The following CAMK2B variants were observed in gnomAD, a reference collection of about 807,000 sequenced individuals.
CAMK2B encodes calcium/calmodulin-dependent protein kinase type II subunit beta.
CAMK2B carries 27 observed loss-of-function variants against 93.7 expected under a neutral mutation model. The ratio of observed to expected loss-of-function variants is 0.29; its 90% CI spans 0.21 to 0.40. The LOEUF (loss-of-function observed/expected upper bound fraction) is 0.40. Ranked by LOEUF, CAMK2B falls within the 10% of genes least tolerant of loss-of-function variation. CAMK2B has a pLI of 1.00. For synonymous variants in CAMK2B, 374 were observed against 358.8 expected (o/e 1.04, Z -0.48); for missense variants, 568 against 895.8 (o/e 0.63, Z 4.67).
At chr7:44,256,123 G>A (rs755584718) in intron 4 of CAMK2B, among the ~76,000 whole-genome samples, 8 of 152,184 alleles carry the variant, frequency 5.3e-5, no homozygotes, top group Non-Finnish European at 7.3e-5. Context: ...TCCTCTGCCT[G>A]CCTCTCCTCT....
intron 15 of CAMK2B, among the ~76,000 whole-genome samples, chr7:44,233,886 C>T (rs117961007): frequency 0.031 from 4,704 of 152,314 alleles, 101 homozygotes; most frequent in South Asian, 0.054. Flanking sequence ...TACTGCACCA[C>T]CGTGGCCCCG....
chr7:44,228,155 G>C (rs555015261), intron 19 of CAMK2B, among the ~76,000 whole-genome samples: 1 of 151,952 alleles, frequency 6.6e-6, no homozygotes, highest in African/African-American at 2.4e-5. Context: ...AACGCTGGAC[G>C]GGGTTACAGG....
intron 13 of CAMK2B, among the ~76,000 whole-genome samples, chr7:44,234,961 C>T (rs1166737618): frequency 6.6e-6 from 1 of 152,230 alleles, no homozygotes; most frequent in Non-Finnish European, 1.5e-5. Context: ...TGGGGAGCCC[C>T]CTTGGCTTCT....
chr7:44,282,876 T>A (rs921725832), intron 2 of CAMK2B, among the ~76,000 whole-genome samples: 1 of 152,164 alleles, frequency 6.6e-6, no homozygotes, highest in African/African-American at 2.4e-5. Context: ...GGTCAGGGCC[T>A]CTCCAGCTCC....
At chr7:44,249,802 C>A (rs1232210038) in intron 5 of CAMK2B, among the ~76,000 whole-genome samples, 1 of 152,154 alleles carries the variant, frequency 6.6e-6, no homozygotes, top group East Asian at 1.9e-4. Context: ...GTCCTGGCCG[C>A]AGCTCTGGCC....
chr7:44,258,269 G>A (rs953952523), intron 4 of CAMK2B, among the ~76,000 whole-genome samples: 2 of 149,630 alleles, frequency 1.3e-5, no homozygotes, highest in Admixed American at 6.6e-5. Flanking sequence ...ATGCAAACGT[G>A]CATGCATACA....
chr7:44,266,443 G>T (rs891752402), intron 2 of CAMK2B, among the ~76,000 whole-genome samples: 30 of 152,246 alleles, frequency 2.0e-4, no homozygotes, highest in Non-Finnish European at 3.5e-4. Flanking sequence ...CAGTGCATAA[G>T]AAATGTGCCC....
At chr7:44,293,494 C>T (rs1787421362) in intron 1 of CAMK2B, among the ~76,000 whole-genome samples, 1 of 152,170 alleles carries the variant, frequency 6.6e-6, no homozygotes, top group Non-Finnish European at 1.5e-5. Context: ...GTTGACAATC[C>T]TGTATAGCAG....
chr7:44,264,763 C>T (rs1008167210), intron 2 of CAMK2B, among the ~76,000 whole-genome samples: 8 of 152,248 alleles, frequency 5.3e-5, no homozygotes, highest in Non-Finnish European at 7.3e-5. Context: ...TGCCAGGAGC[C>T]TCAGGGATTT....
At chr7:44,303,733 G>GA (rs1293142662) in intron 1 of CAMK2B, among the ~76,000 whole-genome samples, 1 of 152,126 alleles carries the variant, frequency 6.6e-6, no homozygotes, top group African/African-American at 2.4e-5. Context: ...ATTCATGAAA[G>GA]AAAAAATTGA....
chr7:44,246,104 C>G (rs1489979018), intron 6 of CAMK2B, among the ~76,000 whole-genome samples: 1 of 152,126 alleles, frequency 6.6e-6, no homozygotes, highest in African/African-American at 2.4e-5. Context: ...CAGACCTGAG[C>G]TGGGGGCAGC....
rs751129185 is a variant in CAMK2B, at chr7:44,220,227, C to T, written c.1836G>A (p.Glu612=). 1 of 1,613,436 alleles carries T rather than the reference C, an allele frequency of 6.2e-7. No homozygotes were observed. The highest frequency in any genetic ancestry group is 2.2e-5 in the East Asian group (1 of 44,888). Residue 612 remains glutamate (E), a synonymous_variant, in exon 23 of 24, where the codon GAG becomes GAA. Coordinates refer to ENST00000395749, the MANE Select transcript of CAMK2B (RefSeq NM_001220.5). ...ILNPHVHVIG[E]DAACIAYIRL... is the part of the protein sequence containing the mutation. ...GGATGTAAGCGATGCAGGCGGCATC[C>T]TCTCCAATGACGTGCACGTGTGGGT...
Position 44,243,683 on chromosome 7 carries a change from T to C in CAMK2B, c.415-156A>G, listed in dbSNP as rs200859981. Among the ~76,000 whole-genome samples the C allele has an allele frequency of 1.2e-4, 18 of 152,214 alleles. No individual in the cohort carries two copies. The East Asian group carries it at 2.5e-3, about 21-fold the overall frequency. On this transcript the variant is annotated intron_variant, in intron 6 of 23. Coordinates refer to ENST00000395749, the MANE Select transcript of CAMK2B (RefSeq NM_001220.5). ...CCCCATGGTGTCTGCAGGGCATGGC[T>C]GAGCCTTCACCCCAGAGTCCCAGAC...
At chr7:44,278,559 C>T (rs759447950) in intron 2 of CAMK2B, among the ~76,000 whole-genome samples, 4 of 152,148 alleles carry the variant, frequency 2.6e-5, no homozygotes, top group African/African-American at 7.2e-5. Context: ...CTCAGGTCCC[C>T]GCATGGGGGA....
At chr7:44,267,623 A>G (rs2096931916) in intron 2 of CAMK2B, among the ~76,000 whole-genome samples, 2 of 152,166 alleles carry the variant, frequency 1.3e-5, no homozygotes, top group South Asian at 4.1e-4. Flanking sequence ...ACGTGTGTAC[A>G]CATTTACACA....
At chr7:44,244,146 G>A (rs2096708383) in intron 6 of CAMK2B, among the ~76,000 whole-genome samples, 1 of 152,206 alleles carries the variant, frequency 6.6e-6, no homozygotes, top group Admixed American at 6.5e-5. Flanking sequence ...CCTGGCTCTG[G>A]TCATCCCCAC....
At chr7:44,290,351 C>T (rs946173965) in intron 1 of CAMK2B, among the ~76,000 whole-genome samples, 2 of 152,254 alleles carry the variant, frequency 1.3e-5, no homozygotes, top group African/African-American at 4.8e-5. Flanking sequence ...AAGCACAGCC[C>T]CCTCCCCGCT....
chr7:44,238,285 C>T (rs2096644655), intron 13 of CAMK2B, among the ~76,000 whole-genome samples: 1 of 152,230 alleles, frequency 6.6e-6, no homozygotes, highest in Non-Finnish European at 1.5e-5. Flanking sequence ...CATGCAGGGC[C>T]TCATGCACCG....
chr7:44,228,971 G>A (rs747503458), intron 18 of CAMK2B, 47 bp from the exon 19 acceptor site: 79 of 1,600,660 alleles, frequency 4.9e-5, no homozygotes, highest in South Asian at 3.4e-4. Flanking sequence ...ACAGACACAC[G>A]AGGCGGCGGC....
Sources: gnomAD v4.1 joint callset for allele counts (sites outside exome capture counted in the v4.1 genomes callset) on GRCh38, gnomAD v4.1.1 for gene constraint, MANE v1.5 for transcripts, NCBI Gene and HGNC (gene_info 2026-07-23, HGNC 2026-07-21) for gene names.